Variants in ADGRD1 observed in about 807,000 individuals in gnomAD.
The protein encoded by ADGRD1 is adhesion G protein-coupled receptor D1, also known as G-protein coupled receptor 133.
Under a neutral mutation model 113.4 loss-of-function variants are expected in ADGRD1, and 77 were observed. The ratio of observed to expected loss-of-function variants is 0.68; its 90% CI spans 0.57 to 0.82. ADGRD1 has a LOEUF of 0.82. Among genes scored for constraint, ADGRD1 ranks in the 40% least tolerant of loss-of-function variants. ADGRD1 has a pLI of 0.00. For missense variants in ADGRD1, 1,036 were observed against 1,139.1 expected, an observed-to-expected ratio of 0.91 and a Z score of 1.30; for synonymous variants, 474 against 475.0, an observed-to-expected ratio of 1.00 and a Z score of 0.03.
At chr12:131,045,248 G>A (rs1472574904) in intron 13 of ADGRD1, among the ~76,000 whole-genome samples, 1 of 152,242 alleles carries the variant, frequency 6.6e-6, no homozygotes, top group African/African-American at 2.4e-5. Context: ...CCAGGTCGCG[G>A]CCGTCATGTG....
rs545275470 is a variant in ADGRD1, at chr12:131,125,202, C to T, written c.2175+4289C>T. On this transcript the variant is annotated intron_variant, in intron 20 of 24. Transcript: ENST00000261654. ...CTCTAAGTGGTCTTGTTCTTAGGTA[C>T]GGAGGCTTAGGGCTTCAGCATATGA... Among the ~76,000 whole-genome samples, 32 of 152,256 alleles carry T rather than the reference C, an allele frequency of 2.1e-4. No homozygotes were observed. The South Asian group carries it at 4.8e-3, about 23-fold the overall frequency.
intron 18 of ADGRD1, among the ~76,000 whole-genome samples, chr12:131,114,428 C>T (rs1223354261): frequency 3.9e-5 from 6 of 152,142 alleles, no homozygotes; most frequent in East Asian, 1.9e-4. Context: ...GCAAATGGAG[C>T]GCTGGCTGGT....
chr12:131,073,263 A>G (rs561438388), intron 13 of ADGRD1, among the ~76,000 whole-genome samples: 1 of 152,308 alleles, frequency 6.6e-6, no homozygotes, highest in East Asian at 1.9e-4. Context: ...GCACCAAGAG[A>G]TAGAGGCTGG....
In ADGRD1 at chr12:130,966,207, T is replaced by C. The variant is rs1366424445; in HGVS notation, c.104-256T>C. On this transcript the variant is annotated intron_variant, in intron 2 of 24. Transcript: ENST00000261654. This position sits in a 1 kb window ranked among gnomAD's most constrained non-coding sequence, Gnocchi z 4.6. ...CACCAGTAAATGCAGTGGCTTCTGT[T>C]TTCATGCAACAAGAGGCATCTATTC... 6.6e-6 allele frequency among the ~76,000 whole-genome samples: 1 copy of C among 152,220 alleles called. No homozygotes were observed. Among genetic ancestry groups the C allele is most frequent in the African/African-American group, 2.4e-5 (1 of 41,450 alleles).
chr12:130,982,802 A>G (rs1202615905), intron 5 of ADGRD1, among the ~76,000 whole-genome samples: 2 of 152,114 alleles, frequency 1.3e-5, no homozygotes, highest in Admixed American at 6.6e-5. Flanking sequence ...AGGCTGACGA[A>G]GGTCTGAAGT....
intron 18 of ADGRD1, among the ~76,000 whole-genome samples, chr12:131,117,888 G>A (rs1174143818): frequency 6.6e-6 from 1 of 152,216 alleles, no homozygotes; most frequent in Non-Finnish European, 1.5e-5. Context: ...TGGATACTTG[G>A]GCTGGGTGAC....
rs1315550235 is a variant in ADGRD1 at position 131,057,967 on chromosome 12, G to A, written c.1474-18834G>A. ...CATGTTTTTCCTTGTCTATGCACCA[G>A]GGAGAATGAGCTTCTGTTATTTTAA... On this transcript the variant is annotated intron_variant, in intron 13 of 24. Transcript: ENST00000261654. This position sits in a 1 kb window ranked among gnomAD's most constrained non-coding sequence, Gnocchi z 4.2. 6.6e-6 allele frequency among the ~76,000 whole-genome samples: 1 copy of A among 152,160 alleles called. No homozygotes were observed. The highest frequency in any genetic ancestry group is 1.9e-4 in the East Asian group (1 of 5,198).
intron 13 of ADGRD1, among the ~76,000 whole-genome samples, chr12:131,033,580 C>T (rs1249243707): frequency 6.6e-6 from 1 of 152,186 alleles, no homozygotes; most frequent in Non-Finnish European, 1.5e-5. Flanking sequence ...GGCAGGTTCT[C>T]AGTGAAGACG....
chr12:131,081,665 C>T (rs888153079), intron 14 of ADGRD1, among the ~76,000 whole-genome samples: 4 of 152,140 alleles, frequency 2.6e-5, no homozygotes, highest in African/African-American at 9.7e-5. Context: ...TATTTTTTCC[C>T]CCGGATAATG....
chr12:131,001,774 TGAG>T (rs1044867289), intron 9 of ADGRD1, among the ~76,000 whole-genome samples: 1 of 152,136 alleles, frequency 6.6e-6, no homozygotes, highest in African/African-American at 2.4e-5. Context: ...CAGAGAAGGG[TGAG>T]GAGGACTCTT....
At chr12:131,004,126 GAT>G in intron 10 of ADGRD1, 58 bp from the exon 11 acceptor site, 2 of 1,076,294 alleles carry the variant, frequency 1.9e-6, no homozygotes, top group Non-Finnish European at 2.9e-6. Flanking sequence ...TTTGCAGTCT[GAT>G]TTCCTGCAGC....
intron 13 of ADGRD1, among the ~76,000 whole-genome samples, chr12:131,031,680 C>G (rs1397280442): frequency 1.3e-5 from 2 of 152,110 alleles, no homozygotes; most frequent in Non-Finnish European, 2.9e-5. Context: ...TACTGGACCC[C>G]CAGGGCCACC....
chr12:131,066,518 C>T (rs1401251887), intron 13 of ADGRD1, among the ~76,000 whole-genome samples: 1 of 152,214 alleles, frequency 6.6e-6, no homozygotes, highest in Non-Finnish European at 1.5e-5. Context: ...GTTCATCCCA[C>T]CGAAGTTCAC....
At chr12:130,997,194 C>CA (rs1555241596) in intron 8 of ADGRD1, among the ~76,000 whole-genome samples, 2 of 141,464 alleles carry the variant, frequency 1.4e-5, no homozygotes, top group Non-Finnish European at 3.1e-5. Flanking sequence ...GCTGACCCCC[C>CA]CCCCCGGACG....
At chr12:131,000,184 G>A (rs1027839796) in intron 8 of ADGRD1, among the ~76,000 whole-genome samples, 199 bp from the exon 9 acceptor site, 1 of 152,222 alleles carries the variant, frequency 6.6e-6, no homozygotes, top group African/African-American at 2.4e-5. Context: ...GCTGCCACAG[G>A]AGCAAATAAG....
chr12:130,985,340 C>T (rs1450090225), intron 5 of ADGRD1, among the ~76,000 whole-genome samples: 3 of 152,160 alleles, frequency 2.0e-5, no homozygotes, highest in Non-Finnish European at 4.4e-5. Context: ...GTGTCTTTCA[C>T]AGAGCAGACA....
At chr12:131,106,351 G>T (rs1950235668) in intron 17 of ADGRD1, among the ~76,000 whole-genome samples, 1 of 152,220 alleles carries the variant, frequency 6.6e-6, no homozygotes, top group Non-Finnish European at 1.5e-5. Flanking sequence ...TGCAGACCTA[G>T]ATGCCATCTT....
rs1951135418 is a variant in ADGRD1 at position 131,137,897 on chromosome 12, T to C, written c.2437-240T>C. 3 of 413,116 alleles carry C rather than the reference T, an allele frequency of 7.3e-6. No homozygotes were observed. In the East Asian group the frequency reaches 1.5e-4, roughly 20 times the overall value. The allele number at this position is 413,116 out of a possible 1,614,324, so 25.6% of individuals were successfully genotyped here. On this transcript the variant is annotated intron_variant, in intron 23 of 24. Transcript: ENST00000261654. ...TCACCCCGGGACATTCATTGCTGAG[T>C]GTGAGGAGCCCAGCAGAGGCCACTC...
chr12:131,031,483 T>G (rs548552921), intron 13 of ADGRD1, among the ~76,000 whole-genome samples: 34 of 152,238 alleles, frequency 2.2e-4, no homozygotes, highest in Non-Finnish European at 5.0e-4. Flanking sequence ...CATGCGGTTC[T>G]GTCGACGAGT....
Sources: gnomAD v4.1 joint callset for allele counts (sites outside exome capture counted in the v4.1 genomes callset) on GRCh38, gnomAD v4.1.1 for gene constraint, Gnocchi (gnomAD v3.1) non-coding constraint, MANE v1.5 for transcripts, NCBI Gene and HGNC (gene_info 2026-07-23, HGNC 2026-07-21) for gene names.